The following LIG1 variants were observed in gnomAD, a reference collection of about 807,000 sequenced individuals.
LIG1 encodes the protein ligase I, DNA, ATP-dependent.
Under a neutral mutation model 115.7 loss-of-function variants are expected in LIG1, and 70 were observed. The observed-to-expected ratio is 0.60, with a 90% CI of 0.50 to 0.74. The LOEUF (loss-of-function observed/expected upper bound fraction) is 0.74, where lower values mean the gene tolerates loss of function less well. Ranked by LOEUF, LIG1 falls within the 30% of genes least tolerant of loss-of-function variation. LIG1 has a pLI of 0.00. For missense variants in LIG1, 1,115 were observed against 1,225.6 expected, an observed-to-expected ratio of 0.91 and a Z score of 1.35; for synonymous variants, 487 against 495.3, an observed-to-expected ratio of 0.98 and a Z score of 0.22.
chr19:48,130,547 G>A (rs1053591349), intron 19 of LIG1, among the ~76,000 whole-genome samples: 5 of 152,090 alleles, frequency 3.3e-5, no homozygotes, highest in South Asian at 2.1e-4. Context: ...CCTCCTCCCC[G>A]CGTTCCTGGC....
In LIG1 at chr19:48,137,368, A is replaced by C. The variant is rs419664; in HGVS notation, c.1254+154T>G. On this transcript the variant is annotated intron_variant, in intron 13 of 27. Coordinates refer to ENST00000263274, the MANE Select transcript of LIG1 (RefSeq NM_000234.3). This position sits in a 1 kb window ranked among gnomAD's most constrained non-coding sequence, Gnocchi z 4.3. ...ACTCTGAAGAGGAGACTCCCCTAGG[A>C]TTGGGTGCAGGAAGGAGGAGAGGAA... Among the ~76,000 whole-genome samples the C allele has an allele frequency of 0.64, 97,175 of 152,092 alleles. 32,594 individuals carry two copies. The highest frequency in any genetic ancestry group is 0.87 in the East Asian group (4,494 of 5,174).
intron 8 of LIG1, 70 bp from the exon 9 acceptor site, chr19:48,149,911 A>T: frequency 1.3e-6 from 2 of 1,544,914 alleles, no homozygotes; most frequent in Non-Finnish European, 1.8e-6. Context: ...TCCATTCTGC[A>T]CCCAGCACCA....
At chr19:48,165,326 C>A (rs1451106890) in intron 2 of LIG1, among the ~76,000 whole-genome samples, 2 of 152,110 alleles carry the variant, frequency 1.3e-5, no homozygotes, top group Non-Finnish European at 2.9e-5. Flanking sequence ...GACTGAGAAC[C>A]ACTGCGTTAG....
chr19:48,154,160 A>G (rs2035686875), intron 5 of LIG1, 193 bp from the exon 6 acceptor site: 1 of 625,332 alleles, frequency 1.6e-6, no homozygotes, highest in Admixed American at 2.4e-5. Flanking sequence ...GACCTTGGGC[A>G]GGTTACTTAA....
At chr19:48,165,080 G>A (rs557697441) in intron 2 of LIG1, among the ~76,000 whole-genome samples, 1 of 152,322 alleles carries the variant, frequency 6.6e-6, no homozygotes, top group Non-Finnish European at 1.5e-5. Context: ...CCAACGTGGT[G>A]AAACCCCGTC....
At chr19:48,146,756 T>C (rs982159125) in intron 9 of LIG1, among the ~76,000 whole-genome samples, 1 of 152,234 alleles carries the variant, frequency 6.6e-6, no homozygotes, top group South Asian at 2.1e-4. Flanking sequence ...ACTGATTTTA[T>C]TTGGAAAACA....
At chr19:48,124,629 A>G (rs1295117167) in intron 21 of LIG1, among the ~76,000 whole-genome samples, 6 of 152,254 alleles carry the variant, frequency 3.9e-5, no homozygotes, top group African/African-American at 9.6e-5. Flanking sequence ...TTCATCACAC[A>G]TTGAAAGGAT....
At position 48,116,081 on chromosome 19, in the gene LIG1, T is replaced by C. The variant is rs1349756536; in HGVS notation, c.2584-116A>G. ...CCACATGACGGGGCCGAACGATGGG[T>C]TGTCATAAGGATTAAACAAGTTGAC... On this transcript the variant is annotated intron_variant, in intron 26 of 27. Coordinates refer to ENST00000263274, the MANE Select transcript of LIG1 (RefSeq NM_000234.3). 7.8e-6 allele frequency: 6 copies of C among 768,500 alleles called. No homozygotes were observed. The Admixed American group carries it at 1.0e-4, about 13-fold the overall frequency. The allele number at this position is 768,500 out of a possible 1,614,324, so 47.6% of individuals were successfully genotyped here.
At chr19:48,124,042 T>G (rs997757585) in intron 21 of LIG1, among the ~76,000 whole-genome samples, 1 of 152,226 alleles carries the variant, frequency 6.6e-6, no homozygotes, top group African/African-American at 2.4e-5. Flanking sequence ...TGTCTCCACA[T>G]GTCAACACTG....
chr19:48,147,688 C>G (rs2082319), intron 9 of LIG1, among the ~76,000 whole-genome samples: 1 of 151,706 alleles, frequency 6.6e-6, no homozygotes, highest in Admixed American at 6.6e-5. Context: ...CCCAAAAAAC[C>G]TAAGTTCTAT....
In LIG1 at chr19:48,124,681, G is replaced by A. The variant is rs141502476; in HGVS notation, c.2005-1363C>T. On this transcript the variant is annotated intron_variant, in intron 21 of 27. Coordinates refer to ENST00000263274, the MANE Select transcript of LIG1 (RefSeq NM_000234.3). The stretch of plus-strand genomic sequence containing the variant: ...GATTAAAGAAAATATGATTTTATCT[G>A]TTTCTTCTTACCTTTTAATATGGCT... Among the ~76,000 whole-genome samples, 173 of 152,300 alleles carry A rather than the reference G, an allele frequency of 1.1e-3. 1 individual carries two copies. The highest frequency in any genetic ancestry group is 3.9e-3 in the African/African-American group (163 of 41,560).
At chr19:48,157,854 A>G (rs2035947447) in intron 4 of LIG1, among the ~76,000 whole-genome samples, 1 of 152,126 alleles carries the variant, frequency 6.6e-6, no homozygotes, top group Admixed American at 6.5e-5. Context: ...CCTTCTCTCC[A>G]TACAGTTTAG....
chr19:48,133,752 C>T (rs41555716), intron 17 of LIG1, among the ~76,000 whole-genome samples: 5,937 of 152,246 alleles, frequency 0.039, 155 homozygotes, highest in Non-Finnish European at 0.064. Context: ...CACGCCACCA[C>T]GCCCGGCTCC....
chr19:48,159,914 T>C (rs1023513653), intron 4 of LIG1, among the ~76,000 whole-genome samples: 4 of 152,078 alleles, frequency 2.6e-5, no homozygotes, highest in African/African-American at 9.7e-5. Flanking sequence ...AGACATGGTT[T>C]CACCATGTTA....
chr19:48,146,050 T>C (rs1484937745), intron 9 of LIG1: 1 of 152,278 alleles, frequency 6.6e-6, no homozygotes, highest in Non-Finnish European at 1.5e-5. Flanking sequence ...CGTTGCTGAG[T>C]GCCTGGCACG....
chr19:48,158,981 T>G (rs970969868), intron 4 of LIG1, among the ~76,000 whole-genome samples: 1 of 152,206 alleles, frequency 6.6e-6, no homozygotes, highest in African/African-American at 2.4e-5. Context: ...ATTTAACAAC[T>G]GCATACCTAG....
Position 48,153,910 on chromosome 19 carries a change from T to C in LIG1, c.428A>G (p.Asp143Gly). The C allele has an allele frequency of 6.2e-7, 1 of 1,611,140 alleles. No homozygotes were observed. The highest frequency in any genetic ancestry group is 8.5e-7 in the Non-Finnish European group (1 of 1,178,712). Residue 143 changes from aspartate (D) to glycine (G), a missense_variant, in exon 6 of 28, where the codon GAC becomes GGC. Transcript: ENST00000263274. Reference protein sequence around the residue: ...IQEVLEEQSEDEDREAKRKKE... With the variant: ...IQEVLEEQSEGEDREAKRKKE... ...CTTCCTCTTGGCTTCTCTGTCCTCGTCCTCACTCTGCTCTTCCAGGACTTC... is the reference window on the plus strand; with the variant it reads ...CTTCCTCTTGGCTTCTCTGTCCTCGCCCTCACTCTGCTCTTCCAGGACTTC...
At chr19:48,155,907 T>C (rs1436994347) in intron 5 of LIG1, among the ~76,000 whole-genome samples, 1 of 152,174 alleles carries the variant, frequency 6.6e-6, no homozygotes, top group Non-Finnish European at 1.5e-5. Flanking sequence ...AGCTTTCAAA[T>C]GTAAATTCAA....
chr19:48,133,964 GC>G lies in LIG1; in HGVS notation c.1609+16del. 1 of 1,548,838 alleles carries G rather than the reference GC, an allele frequency of 6.5e-7. No individual in the cohort carries two copies. The highest frequency in any genetic ancestry group is 8.7e-7 in the Non-Finnish European group (1 of 1,144,232). On this transcript the variant is annotated intron_variant, in intron 17 of 27. Coordinates refer to ENST00000263274, the MANE Select transcript of LIG1 (RefSeq NM_000234.3). The stretch of plus-strand genomic sequence containing the variant: ...CAGGGCTGCTGCCAGGCTGGTGAGC[GC>G]CCCTGGGGCCTGTACCTGGGCTCAG...
Sources: gnomAD v4.1 joint callset for allele counts (sites outside exome capture counted in the v4.1 genomes callset) on GRCh38, gnomAD v4.1.1 for gene constraint, Gnocchi (gnomAD v3.1) non-coding constraint, MANE v1.5 for transcripts, NCBI Gene and HGNC (gene_info 2026-07-23, HGNC 2026-07-21) for gene names.